TPO: variants seen among roughly 807,000 people sequenced by gnomAD.
TPO encodes the protein thyroid peroxidase.
TPO carries 78 observed loss-of-function variants against 96.9 expected under a neutral mutation model. That is an observed-to-expected ratio of 0.81 (90% CI 0.67 to 0.97). The LOEUF (loss-of-function observed/expected upper bound fraction) is 0.97, where lower values mean the gene tolerates loss of function less well. Among genes scored for constraint, TPO ranks in the 50% least tolerant of loss-of-function variants. TPO has a pLI of 0.00. For synonymous variants in TPO, 547 were observed against 538.0 expected (o/e 1.02, Z -0.23); for missense variants, 1,252 against 1,274.8 (o/e 0.98, Z 0.27).
intron 9 of TPO, among the ~76,000 whole-genome samples, chr2:1,487,420 C>T (rs973542025): frequency 1.3e-5 from 2 of 152,130 alleles, no homozygotes; most frequent in African/African-American, 2.4e-5. Context: ...TGAACTTACA[C>T]GAAGGTTTGC....
chr2:1,493,331 A>G (rs1466230231), intron 10 of TPO, among the ~76,000 whole-genome samples: 2 of 151,936 alleles, frequency 1.3e-5, no homozygotes, highest in Non-Finnish European at 2.9e-5. Context: ...AGGCTGGGCA[A>G]TAACAGGAAT....
intron 1 of TPO, among the ~76,000 whole-genome samples, chr2:1,381,751 A>C (rs1404264699): frequency 1.3e-5 from 2 of 152,238 alleles, no homozygotes; most frequent in Admixed American, 1.3e-4. Context: ...TAAGTGAAGA[A>C]TTAAATGTGC....
chr2:1,447,836 T>C (rs1465307512), intron 5 of TPO, among the ~76,000 whole-genome samples: 1 of 152,152 alleles, frequency 6.6e-6, no homozygotes, highest in Admixed American at 6.5e-5. Flanking sequence ...AGTAGCCACA[T>C]GTGTGTGGGC....
chr2:1,506,651 T>C (rs978545145), intron 14 of TPO, among the ~76,000 whole-genome samples: 3 of 152,250 alleles, frequency 2.0e-5, no homozygotes, highest in Non-Finnish European at 4.4e-5. Flanking sequence ...TGAGCATTTT[T>C]TCATGTGTTT....
chr2:1,495,829 G>A (rs1460027825), intron 11 of TPO, among the ~76,000 whole-genome samples, 160 bp from the exon 12 acceptor site: 1 of 152,082 alleles, frequency 6.6e-6, no homozygotes, highest in Non-Finnish European at 1.5e-5. Context: ...GTCTCCTTCA[G>A]GTCCTCAGCG....
rs1467010111 is a variant in TPO at position 1,422,321 on chromosome 2, TCGTGCAGGCGCCTCTCCTGGACCGACC to T, written c.95-723_95-697del. Among the ~76,000 whole-genome samples the T allele has an allele frequency of 8.9e-4, 117 of 131,902 alleles. 1 individual carries two copies. Among genetic ancestry groups the T allele is most frequent in the Middle Eastern group, 3.8e-3 (1 of 262 alleles). 86.5% of individuals were successfully genotyped at this position (131,902 alleles called of 152,430 possible). A position where few individuals can be genotyped will look rare whatever the true frequency, so the allele number is the denominator to read the frequency against. On this transcript the variant is annotated intron_variant, in intron 2 of 16. Coordinates refer to ENST00000329066, the MANE Select transcript of TPO (RefSeq NM_001206744.2). Reference sequence around the variant, plus strand: ...CGCAGGCGCCTCTCCTGGACAGACCTCGTGCAGGCGCCTCTCCTGGACCGACCTCGTGCAGGCGCCGCGCTGGACCGA... The same window carrying T: ...CGCAGGCGCCTCTCCTGGACAGACCTTCGTGCAGGCGCCGCGCTGGACCGA...
intron 8 of TPO, among the ~76,000 whole-genome samples, chr2:1,480,605 C>CACACACACACACACACAA (rs74164518): frequency 7.2e-6 from 1 of 139,254 alleles, no homozygotes; most frequent in African/African-American, 2.6e-5. Context: ...CACACACACA[C>CACACACACACACACACAA]GAGCCAGCCA....
chr2:1,486,532 A>G (rs375825368), intron 9 of TPO, among the ~76,000 whole-genome samples: 1 of 152,164 alleles, frequency 6.6e-6, no homozygotes, highest in Non-Finnish European at 1.5e-5. Flanking sequence ...GTGAAACTCC[A>G]TTTGAAAATA....
At chr2:1,384,519 T>C (rs985116310) in intron 1 of TPO, among the ~76,000 whole-genome samples, 8 of 152,196 alleles carry the variant, frequency 5.3e-5, no homozygotes, top group Admixed American at 2.6e-4. Flanking sequence ...GTTTGTGTGT[T>C]TTTGGTGTAT....
At chr2:1,388,693 C>T (rs1342913359) in intron 1 of TPO, among the ~76,000 whole-genome samples, 1 of 152,198 alleles carries the variant, frequency 6.6e-6, no homozygotes, top group African/African-American at 2.4e-5. Flanking sequence ...CTTTGGCTCA[C>T]ACTCGGTGTG....
Position 1,414,405 on chromosome 2 carries a change from T to C in TPO, c.-1-3T>C, listed in dbSNP as rs1239468982. The C allele has an allele frequency of 1.9e-6, 3 of 1,612,930 alleles. No homozygotes were observed. In the Admixed American group the frequency reaches 5.0e-5, roughly 27 times the overall value. Reference sequence around the variant, plus strand: ...ATACTCTGTCTCCTTCCGTTAATTTTAGAATGAGAGCGCTCGCTGTGCTGT... The same window carrying C: ...ATACTCTGTCTCCTTCCGTTAATTTCAGAATGAGAGCGCTCGCTGTGCTGT... On this transcript the variant is annotated splice_polypyrimidine_tract_variant and splice_region_variant and intron_variant, in intron 1 of 16. Coordinates refer to ENST00000329066, the MANE Select transcript of TPO (RefSeq NM_001206744.2).
chr2:1,379,774 T>C (rs1018634955), intron 1 of TPO, among the ~76,000 whole-genome samples: 1 of 152,210 alleles, frequency 6.6e-6, no homozygotes, highest in Non-Finnish European at 1.5e-5. Context: ...TCAGTATTTT[T>C]TCATTTAGTA....
intron 1 of TPO, among the ~76,000 whole-genome samples, chr2:1,381,289 C>T (rs1453645430): frequency 6.6e-6 from 1 of 152,104 alleles, no homozygotes; most frequent in Non-Finnish European, 1.5e-5. Flanking sequence ...TATCCAGAAT[C>T]TACAAAGAAC....
chr2:1,450,274 C>T (rs1320110261), intron 5 of TPO, among the ~76,000 whole-genome samples: 1 of 152,196 alleles, frequency 6.6e-6, no homozygotes, highest in Non-Finnish European at 1.5e-5. Context: ...CGGCCTCAGT[C>T]CACAGCTTTA....
At chr2:1,418,195 G>A (rs1377089765) in intron 2 of TPO, among the ~76,000 whole-genome samples, 1 of 151,624 alleles carries the variant, frequency 6.6e-6, no homozygotes, top group Non-Finnish European at 1.5e-5. Flanking sequence ...GCTGAGGCAC[G>A]AGAATCAGTT....
At chr2:1,396,306 G>A (rs1662079596) in intron 1 of TPO, among the ~76,000 whole-genome samples, 1 of 152,216 alleles carries the variant, frequency 6.6e-6, no homozygotes. Context: ...ACTAGACCAA[G>A]AGCAAACCAC....
upstream of TPO, among the ~76,000 whole-genome samples, chr2:1,412,588 G>A (rs992861991): frequency 6.6e-6 from 1 of 151,734 alleles, no homozygotes; most frequent in African/African-American, 2.4e-5. Flanking sequence ...AAAGATTAAT[G>A]TTCTGAAGCC....
At chr2:1,485,295 C>T (rs556378658) in intron 9 of TPO, among the ~76,000 whole-genome samples, 1 of 152,120 alleles carries the variant, frequency 6.6e-6, no homozygotes, top group Non-Finnish European at 1.5e-5. Flanking sequence ...TTTCTTAATC[C>T]AGTCTAGCAC....
intron 12 of TPO, 45 bp from the exon 13 acceptor site, chr2:1,496,550 T>A: frequency 6.2e-7 from 1 of 1,612,070 alleles, no homozygotes; most frequent in East Asian, 2.2e-5. Context: ...TGTGGTTTTC[T>A]TTTCTCGTAG....
Sources: gnomAD v4.1 joint callset for allele counts (sites outside exome capture counted in the v4.1 genomes callset) on GRCh38, gnomAD v4.1.1 for gene constraint, MANE v1.5 for transcripts, NCBI Gene and HGNC (gene_info 2026-07-23, HGNC 2026-07-21) for gene names.